AMMECR1: variants seen among roughly 807,000 people sequenced by gnomAD.
The protein encoded by AMMECR1 is AMMECR nuclear protein 1, also known as nuclear protein AMMECR1.
A neutral mutation model predicts 22.5 loss-of-function variants in AMMECR1; 3 were observed. The observed-to-expected ratio is 0.13, with a 90% CI of 0.06 to 0.35. AMMECR1 has a LOEUF of 0.35. Among genes scored for constraint, AMMECR1 ranks in the 10% least tolerant of loss-of-function variants. AMMECR1 has a pLI of 1.00. For missense variants in AMMECR1, 235 were observed against 278.7 expected (o/e 0.84, Z 1.12); for synonymous variants, 130 against 116.7 (o/e 1.11, Z -0.74).
rs746679479 is a variant in AMMECR1 at position 110,404,948 on chromosome X, G to T, written c.-148+21710C>A. Among the ~76,000 whole-genome samples, 5 of 111,713 alleles carry T rather than the reference G, an allele frequency of 4.5e-5. No homozygotes were observed. The East Asian group carries it at 1.4e-3, about 31-fold the overall frequency. On this transcript the variant is annotated intron_variant, in intron 2 of 7. Transcript: ENST00000372057. ...AAGCAAATTCTGTCATCCGCATTCT[G>T]TTGAAACGGCCATTGTCATTTCTCC...
intron 2 of AMMECR1, among the ~76,000 whole-genome samples, chrX:110,383,837 A>G (rs2068436653): frequency 8.9e-6 from 1 of 111,855 alleles, no homozygotes; most frequent in South Asian, 3.8e-4. Flanking sequence ...GCAAAACAAT[A>G]TAACAACTAA....
chrX:110,328,887 T>C lies in AMMECR1; in HGVS notation c.-147-11038A>G, dbSNP rs1270869245. ...ATCCAACGATAGGCATTTGGGTTGG[T>C]TCCAAGTATTTGCTATTGTGAATAG... On this transcript the variant is annotated intron_variant, in intron 2 of 7. Transcript: ENST00000372057. Among the ~76,000 whole-genome samples the C allele has an allele frequency of 3.6e-5, 4 of 112,506 alleles. No individual in the cohort carries two copies. In the Admixed American group the frequency reaches 3.7e-4, roughly 11 times the overall value.
At chrX:110,281,305 G>A (rs1009036066) in intron 1 of AMMECR1, among the ~76,000 whole-genome samples, 16 of 112,093 alleles carry the variant, frequency 1.4e-4, no homozygotes, top group African/African-American at 4.5e-4. Context: ...AAACACTTCA[G>A]TCAAAAAGAA....
At chrX:110,204,622 T>A (rs772325808) in intron 3 of AMMECR1, among the ~76,000 whole-genome samples, 1 of 111,676 alleles carries the variant, frequency 9.0e-6, no homozygotes, top group Non-Finnish European at 1.9e-5. Flanking sequence ...GCAAATGGGG[T>A]TAATTTAGAC....
At chrX:110,310,259 AT>A in intron 1 of AMMECR1, among the ~76,000 whole-genome samples, 1 of 111,692 alleles carries the variant, frequency 9.0e-6, no homozygotes, top group Admixed American at 9.5e-5. Flanking sequence ...GTTTCTTCCC[AT>A]ATTCCCCCCA....
intron 2 of AMMECR1, among the ~76,000 whole-genome samples, chrX:110,402,567 G>A (rs1231553030): frequency 8.9e-6 from 1 of 112,503 alleles, no homozygotes; most frequent in Non-Finnish European, 1.9e-5. Context: ...ATTTTGCCTA[G>A]GGGCGAGCCC....
chrX:110,314,529 A>G (rs938255308), intron 1 of AMMECR1, among the ~76,000 whole-genome samples: 6 of 111,522 alleles, frequency 5.4e-5, no homozygotes, highest in Admixed American at 1.9e-4. Context: ...ATTTTTAATA[A>G]CTTCCCAGTG....
intron 2 of AMMECR1, among the ~76,000 whole-genome samples, chrX:110,261,123 C>G (rs1287399300): frequency 1.8e-5 from 2 of 110,594 alleles, no homozygotes; most frequent in Non-Finnish European, 3.8e-5. Flanking sequence ...GTGGTGATGA[C>G]TGTACAACAA....
At chrX:110,358,098 A>G (rs2068239784) in intron 2 of AMMECR1, among the ~76,000 whole-genome samples, 1 of 111,816 alleles carries the variant, frequency 8.9e-6, no homozygotes, top group African/African-American at 3.2e-5. Context: ...GGTGATTTTG[A>G]TGTTCACCCT....
At chrX:110,429,715 CAA>C (rs1177415299) in intron 1 of AMMECR1, among the ~76,000 whole-genome samples, 1 of 111,075 alleles carries the variant, frequency 9.0e-6, no homozygotes, top group Non-Finnish European at 1.9e-5. Flanking sequence ...CTCCTGACCT[CAA>C]GTGTTCCACC....
intron 2 of AMMECR1, among the ~76,000 whole-genome samples, chrX:110,222,453 G>C (rs1306170459): frequency 1.4e-5 from 1 of 72,758 alleles, no homozygotes; most frequent in African/African-American, 5.1e-5. Flanking sequence ...TTGTGGGGTC[G>C]GGGGAGGGGG....
intron 2 of AMMECR1, among the ~76,000 whole-genome samples, 163 bp from the exon 3 acceptor site, chrX:110,216,795 G>T (rs2148170976): frequency 8.9e-6 from 1 of 112,046 alleles, no homozygotes; most frequent in South Asian, 3.7e-4. Flanking sequence ...AAAGATTTTA[G>T]AAGTCACCTT....
At chrX:110,289,012 TACTC>T (rs2067894916) in intron 1 of AMMECR1, among the ~76,000 whole-genome samples, 1 of 112,134 alleles carries the variant, frequency 8.9e-6, no homozygotes, top group African/African-American at 3.2e-5. Flanking sequence ...CAAAACTACT[TACTC>T]AGCTCTGTTT....
intron 2 of AMMECR1, among the ~76,000 whole-genome samples, chrX:110,241,681 G>C (rs1186412615): frequency 4.6e-5 from 5 of 108,667 alleles, no homozygotes; most frequent in African/African-American, 1.7e-4. Context: ...CCTAGGGGAG[G>C]GATAGCATTA....
intron 5 of AMMECR1, among the ~76,000 whole-genome samples, chrX:110,199,084 C>G (rs1602771621): frequency 9.0e-6 from 1 of 111,711 alleles, no homozygotes; most frequent in East Asian, 2.8e-4. Flanking sequence ...TCACTTTTCC[C>G]CATGTCTGGC....
At chrX:110,390,151 C>T (rs936903946) in intron 2 of AMMECR1, among the ~76,000 whole-genome samples, 8 of 111,393 alleles carry the variant, frequency 7.2e-5, no homozygotes, top group Admixed American at 3.8e-4. Context: ...CTACATTAAA[C>T]GATCTTTGAA....
intron 1 of AMMECR1, among the ~76,000 whole-genome samples, chrX:110,438,556 A>G (rs954898436): frequency 9.0e-6 from 1 of 111,683 alleles, no homozygotes; most frequent in African/African-American, 3.3e-5. Flanking sequence ...AACTTCATGA[A>G]TTACCAAGGA....
chrX:110,312,046 T>C (rs994979282), intron 1 of AMMECR1, among the ~76,000 whole-genome samples: 1 of 112,491 alleles, frequency 8.9e-6, no homozygotes, highest in Non-Finnish European at 1.9e-5. Flanking sequence ...AAAATTTAAA[T>C]GTAAAAGCCC....
At chrX:110,206,684 T>A (rs2067423356) in intron 3 of AMMECR1, among the ~76,000 whole-genome samples, 1 of 111,927 alleles carries the variant, frequency 8.9e-6, no homozygotes, top group African/African-American at 3.2e-5. Flanking sequence ...ATCTCCATAG[T>A]CCTGACCCTC....
Sources: gnomAD v4.1 joint callset for allele counts (sites outside exome capture counted in the v4.1 genomes callset) on GRCh38, gnomAD v4.1.1 for gene constraint, MANE v1.5 for transcripts, NCBI Gene and HGNC (gene_info 2026-07-23, HGNC 2026-07-21) for gene names.